Variants in BOP1 observed in about 807,000 individuals in gnomAD.
BOP1 encodes ribosome biogenesis protein BOP1.
A neutral mutation model predicts 82.9 loss-of-function variants in BOP1; 54 were observed. That is an observed-to-expected ratio of 0.65 (90% CI 0.52 to 0.82). The LOEUF is 0.82. BOP1 is among the 40% of genes least tolerant of loss of function. The probability of loss-of-function intolerance (pLI) is 0.00; values close to 1 mark genes in which losing one functional copy is unlikely to be tolerated. For missense variants in BOP1, 1,170 were observed against 1,072.0 expected, an observed-to-expected ratio of 1.09 and a Z score of -1.28; for synonymous variants, 566 against 451.1, an observed-to-expected ratio of 1.25 and a Z score of -3.23.
chr8:144,262,325 G>A lies in BOP1; in HGVS notation c.2088-8C>T. Reference sequence around the variant, plus strand: ...GGGTTCTGCAGAAGGTCACTGTGGGGACGAGGAGGGCTCAGGGCACGGCCA... The same window carrying A: ...GGGTTCTGCAGAAGGTCACTGTGGGAACGAGGAGGGCTCAGGGCACGGCCA... On this transcript the variant is annotated splice_region_variant and splice_polypyrimidine_tract_variant and intron_variant, in intron 15 of 15. Coordinates refer to ENST00000569669, the MANE Select transcript of BOP1 (RefSeq NM_015201.5). 1 of 1,612,838 alleles carries A rather than the reference G, an allele frequency of 6.2e-7. No homozygotes were observed. Among genetic ancestry groups the A allele is most frequent in the Non-Finnish European group, 8.5e-7 (1 of 1,179,818 alleles).
chr8:144,269,696 GGA>G (rs1371041433), intron 3 of BOP1, among the ~76,000 whole-genome samples: 2 of 152,218 alleles, frequency 1.3e-5, no homozygotes, highest in African/African-American at 4.8e-5. Flanking sequence ...AGGGAGGGGA[GGA>G]GAGGACAAGC....
intron 2 of BOP1, among the ~76,000 whole-genome samples, chr8:144,285,195 T>C (rs1588608142): frequency 6.6e-6 from 1 of 152,144 alleles, no homozygotes; most frequent in African/African-American, 2.4e-5. Context: ...CGGGGCCGGG[T>C]ATACCCACCA....
At chr8:144,265,979 G>A (rs1226783215) in intron 3 of BOP1, 18 of 152,628 alleles carry the variant, frequency 1.2e-4, no homozygotes, top group African/African-American at 4.3e-4. Flanking sequence ...AGCCTGGAGA[G>A]GCAGGTGCAG....
At position 144,289,162 on chromosome 8, in the gene BOP1, C is replaced by T. The variant is rs1367484145; in HGVS notation, c.242G>A (p.Gly81Glu). ...SEDDDEGDEE[G>E]EDGALDDEGH... ...CTCGTCATCAAGGGCTCCGTCCTCT[C>T]CCTCCTCGTCGCCTTCGTCATCATC... The change falls in exon 2 of 16, where the codon GGA becomes GAA. Residue 81 changes from glycine to glutamate, a missense_variant. Physicochemically the swap from Gly to Glu is moderately conservative, Grantham distance 98 (BLOSUM62 -2). Transcript: ENST00000569669. The T allele has an allele frequency of 1.9e-6, 3 of 1,614,222 alleles. No homozygotes were observed. Among genetic ancestry groups the T allele is most frequent in the African/African-American group, 1.3e-5 (1 of 75,058 alleles).
At chr8:144,268,813 C>T (rs1305133609) in intron 3 of BOP1, among the ~76,000 whole-genome samples, 1 of 141,258 alleles carries the variant, frequency 7.1e-6, no homozygotes, top group African/African-American at 2.7e-5. Context: ...AGGGAGGCAG[C>T]GGCAGGGACA....
At position 144,265,240 on chromosome 8, in the gene BOP1, C is replaced by T. The variant is rs1360582231; in HGVS notation, c.391-169G>A. On this transcript the variant is annotated intron_variant, in intron 3 of 15. Transcript: ENST00000569669. ...CCTGTTCCCCAGCCCTGGGGTCTGA[C>T]GTGGCATGGCGGCCACGCTGCCCCC... is the stretch of plus-strand genomic sequence containing the variant. 1.3e-5 allele frequency: 10 copies of T among 770,990 alleles called. No homozygotes were observed. In the East Asian group the frequency reaches 1.6e-4, roughly 12 times the overall value. 47.8% of individuals were successfully genotyped at this position (770,990 alleles called of 1,614,324 possible).
intron 3 of BOP1, among the ~76,000 whole-genome samples, chr8:144,274,401 G>C (rs1189063644): frequency 1.3e-5 from 2 of 152,190 alleles, no homozygotes; most frequent in African/African-American, 4.8e-5. Context: ...GCTGCAGGCT[G>C]TCTCCCACCT....
chr8:144,272,013 A>G (rs1588596283), intron 3 of BOP1, among the ~76,000 whole-genome samples: 1 of 152,034 alleles, frequency 6.6e-6, no homozygotes, highest in Non-Finnish European at 1.5e-5. Context: ...GTTCCTCCAG[A>G]CCTGGCCTGC....
At chr8:144,290,845 G>A (rs1432358154) in intron 1 of BOP1, among the ~76,000 whole-genome samples, 1 of 152,210 alleles carries the variant, frequency 6.6e-6, no homozygotes, top group East Asian at 1.9e-4. Flanking sequence ...GAGAGCAACA[G>A]TGAGTTCTAA....
intron 3 of BOP1, chr8:144,268,359 C>G: frequency 3.2e-6 from 2 of 621,378 alleles, no homozygotes; most frequent in Non-Finnish European, 5.6e-6. Context: ...CTGCCCGGGC[C>G]CACTGGAACT....
At chr8:144,289,360 C>A in intron 1 of BOP1, 56 bp from the exon 2 acceptor site, 1 of 1,573,178 alleles carries the variant, frequency 6.4e-7, no homozygotes, top group Non-Finnish European at 8.6e-7. Flanking sequence ...GGGCACTGAA[C>A]ACTGCAGGGA....
At chr8:144,264,688 C>T (rs1845316076) in intron 5 of BOP1, 26 bp downstream of exon 5, 2 of 1,564,914 alleles carry the variant, frequency 1.3e-6, no homozygotes, top group African/African-American at 1.4e-5. Flanking sequence ...ACCCCCGCCG[C>T]CCAGGGGCCA....
At chr8:144,284,373 GA>G (rs1554839237) in intron 2 of BOP1, among the ~76,000 whole-genome samples, 1 of 152,186 alleles carries the variant, frequency 6.6e-6, no homozygotes, top group African/African-American at 2.4e-5. Context: ...GCACATGTGA[GA>G]AACAGCATGT....
At position 144,267,214 on chromosome 8, in the gene BOP1, T is replaced by C; in HGVS notation, c.391-2143A>G. Reference sequence around the variant, plus strand: ...GGGCCGTGGGGCGCCGAGGGGGGCCTCCAACGCGCCCCTCAGCCCACACCT... The same window carrying C: ...GGGCCGTGGGGCGCCGAGGGGGGCCCCCAACGCGCCCCTCAGCCCACACCT... On this transcript the variant is annotated intron_variant, in intron 3 of 15. Coordinates refer to ENST00000569669, the MANE Select transcript of BOP1 (RefSeq NM_015201.5). The C allele has an allele frequency of 2.7e-6, 4 of 1,484,904 alleles. No homozygotes were observed. In the South Asian group the frequency reaches 3.9e-5, roughly 15 times the overall value. 92.0% of individuals were successfully genotyped at this position (1,484,904 alleles called of 1,614,324 possible).
intron 3 of BOP1, among the ~76,000 whole-genome samples, chr8:144,273,054 C>T (rs1233155350): frequency 6.6e-6 from 1 of 152,100 alleles, no homozygotes; most frequent in Non-Finnish European, 1.5e-5. Context: ...TCTGCAGGCC[C>T]GGGCGCCCTC....
At position 144,264,609 on chromosome 8, in the gene BOP1, A is replaced by G; in HGVS notation, c.671T>C (p.Val224Ala). Residue 224 changes from valine (V) to alanine (A), a missense_variant, in exon 6 of 16, where the codon GTC becomes GCC. Physicochemically the swap from Val to Ala is moderately conservative, Grantham distance 64 (BLOSUM62 0). Coordinates refer to ENST00000569669, the MANE Select transcript of BOP1 (RefSeq NM_015201.5). ...CATGACGTCCCCGCTGAAGAAGTCGACAGCCGGCTGGGGGAGAAGATGTGG... is the reference window on the plus strand; with the variant it reads ...CATGACGTCCCCGCTGAAGAAGTCGGCAGCCGGCTGGGGGAGAAGATGTGG... ...DVGFNPYEPA[V>A]DFFSGDVMIH... 1 of 1,598,950 alleles carries G rather than the reference A, an allele frequency of 6.3e-7. No individual in the cohort carries two copies. The highest frequency in any genetic ancestry group is 8.5e-7 in the Non-Finnish European group (1 of 1,172,832).
chr8:144,267,050 G>C (rs1845387705), intron 3 of BOP1: 7 of 1,495,648 alleles, frequency 4.7e-6, no homozygotes, highest in Non-Finnish European at 6.2e-6. Flanking sequence ...TGCCACTCCG[G>C]GCCCGCCTTC....
intron 3 of BOP1, chr8:144,267,012 G>A (rs1424116837): frequency 2.2e-5 from 34 of 1,535,458 alleles, no homozygotes; most frequent in Middle Eastern, 2.1e-4. Flanking sequence ...TGCTGCTGGC[G>A]GGCGAGGCCT....
chr8:144,264,300 A>G lies in BOP1; in HGVS notation c.903T>C (p.Pro301=). 6.2e-7 allele frequency: 1 copy of G among 1,611,074 alleles called. No individual in the cohort carries two copies. The highest frequency in any genetic ancestry group is 8.5e-7 in the Non-Finnish European group (1 of 1,179,594). ...GGCCTGGCAGGGCCAGCTTGGGAGC[A>G]GGTACGTGCATCTTGTGGCGCCCGA... ...AVLGRHKMHV[P]APKLALPGHA... The change falls in exon 7 of 16, where the codon CCT becomes CCC. Residue 301 remains proline, a synonymous_variant. Transcript: ENST00000569669.
Sources: gnomAD v4.1 joint callset for allele counts (sites outside exome capture counted in the v4.1 genomes callset) on GRCh38, gnomAD v4.1.1 for gene constraint, MANE v1.5 for transcripts, NCBI Gene and HGNC (gene_info 2026-07-23, HGNC 2026-07-21) for gene names.